MGAT4C: variants seen among roughly 807,000 people sequenced by gnomAD.
MGAT4C encodes the protein MGAT4 family member C.
In MGAT4C, 19 loss-of-function variants were observed where a neutral mutation model predicts 40.1. That is an observed-to-expected ratio of 0.47 (90% CI 0.33 to 0.70). The LOEUF (loss-of-function observed/expected upper bound fraction) is 0.70, where lower values mean the gene tolerates loss of function less well. MGAT4C is among the 30% of genes least tolerant of loss of function. The pLI is 0.02. For synonymous variants in MGAT4C, 181 were observed against 187.1 expected, an observed-to-expected ratio of 0.97 and a Z score of 0.27; for missense variants, 491 against 563.2, an observed-to-expected ratio of 0.87 and a Z score of 1.30.
intron 1 of MGAT4C, among the ~76,000 whole-genome samples, chr12:86,191,647 AC>A (rs1889474671): frequency 8.6e-6 from 1 of 116,656 alleles, no homozygotes; most frequent in East Asian, 2.4e-4. Context: ...ACACACACAC[AC>A]ACACACACAC....
chr12:86,217,458 T>G (rs2135977539), intron 1 of MGAT4C, among the ~76,000 whole-genome samples: 1 of 152,254 alleles, frequency 6.6e-6, no homozygotes, highest in South Asian at 2.1e-4. Flanking sequence ...CTACAGTTTC[T>G]TATCACAAAG....
rs534611388 is a variant in MGAT4C, at chr12:86,786,671, G to A, written c.-262+51995C>T. On this transcript the variant is annotated intron_variant, in intron 1 of 7. Coordinates refer to the MGAT4C transcript ENST00000548651. Reference sequence around the variant, plus strand: ...TGGCTGAAAATATATCTTGGCCTGGGCTGGTGCCCTTTTGAAGACATCTCT... The same window carrying A: ...TGGCTGAAAATATATCTTGGCCTGGACTGGTGCCCTTTTGAAGACATCTCT... Among the ~76,000 whole-genome samples the A allele has an allele frequency of 3.2e-4, 49 of 152,050 alleles. 1 individual carries two copies. The highest frequency in any genetic ancestry group is 2.9e-3 in the Admixed American group (45 of 15,258).
chr12:86,505,774 C>A (rs1283957174), intron 2 of MGAT4C, among the ~76,000 whole-genome samples: 1 of 152,140 alleles, frequency 6.6e-6, no homozygotes, highest in Non-Finnish European at 1.5e-5. Flanking sequence ...CTCTAGCATA[C>A]TAAAATTTAC....
At chr12:86,271,908 C>A (rs1344703780) in intron 4 of MGAT4C, among the ~76,000 whole-genome samples, 2 of 152,014 alleles carry the variant, frequency 1.3e-5, no homozygotes, top group African/African-American at 2.4e-5. Flanking sequence ...CACAAATTGG[C>A]AAATATCACA....
chr12:86,775,395 G>T (rs1241551960), intron 1 of MGAT4C, among the ~76,000 whole-genome samples: 1 of 150,476 alleles, frequency 6.6e-6, no homozygotes, highest in Non-Finnish European at 1.5e-5. Context: ...TATGATGTAT[G>T]ATCTAATATA....
intron 1 of MGAT4C, among the ~76,000 whole-genome samples, chr12:86,051,598 A>C (rs918699212): frequency 4.0e-5 from 6 of 151,762 alleles, no homozygotes; most frequent in African/African-American, 1.2e-4. Flanking sequence ...ATTTTTGTAA[A>C]TATTTTGTTA....
At chr12:86,032,108 A>T (rs573280736) in intron 2 of MGAT4C, among the ~76,000 whole-genome samples, 1 of 152,026 alleles carries the variant, frequency 6.6e-6, no homozygotes, top group African/African-American at 2.4e-5. Context: ...GTTGTTCCTT[A>T]TGGCTGTGTA....
chr12:86,184,725 C>A lies in MGAT4C; in HGVS notation c.-57+71514G>T, dbSNP rs1168319090. Among the ~76,000 whole-genome samples the A allele has an allele frequency of 3.9e-5, 3 of 76,854 alleles. No homozygotes were observed. The East Asian group carries it at 1.1e-3, about 27-fold the overall frequency. The allele number at this position is 76,854 out of a possible 152,430, so 50.4% of individuals were successfully genotyped here. ...TTCCTACACTGTTCCTGCCTTATTTCTTTTTCTCCTGTTAAAAAAAAAAAA... is the reference window on the plus strand; with the variant it reads ...TTCCTACACTGTTCCTGCCTTATTTATTTTTCTCCTGTTAAAAAAAAAAAA... On this transcript the variant is annotated intron_variant, in intron 1 of 4. Coordinates refer to ENST00000611864, the MANE Select transcript of MGAT4C (RefSeq NM_001351288.2).
At chr12:86,396,643 G>A (rs889796530) in intron 3 of MGAT4C, among the ~76,000 whole-genome samples, 1 of 152,172 alleles carries the variant, frequency 6.6e-6, no homozygotes, top group Non-Finnish European at 1.5e-5. Context: ...GAGATAGGAT[G>A]CAGAAAAGCA....
chr12:86,783,776 C>T (rs1463163971), intron 1 of MGAT4C, among the ~76,000 whole-genome samples: 2 of 151,994 alleles, frequency 1.3e-5, no homozygotes, highest in Non-Finnish European at 2.9e-5. Flanking sequence ...GGTACACTTA[C>T]AATCTCAAAC....
intron 2 of MGAT4C, among the ~76,000 whole-genome samples, chr12:86,047,859 A>C (rs1892544181): frequency 6.6e-6 from 1 of 152,126 alleles, no homozygotes; most frequent in African/African-American, 2.4e-5. Flanking sequence ...CAGGAGCAAA[A>C]AATTTAAGAG....
At chr12:86,258,211 T>TTTTG (rs1555260169), upstream of MGAT4C, among the ~76,000 whole-genome samples, 121 of 152,096 alleles carry the variant, frequency 8.0e-4, 1 homozygote, top group Admixed American at 7.8e-3. Flanking sequence ...TCAATTTTTT[T>TTTTG]TTTGTTTGTT....
intron 2 of MGAT4C, among the ~76,000 whole-genome samples, chr12:86,485,041 C>T (rs1354823022): frequency 6.6e-6 from 1 of 152,118 alleles, no homozygotes; most frequent in Non-Finnish European, 1.5e-5. Context: ...GGCAAGAATC[C>T]AGCCACAAAT....
intron 1 of MGAT4C, among the ~76,000 whole-genome samples, chr12:86,780,905 C>T (rs1015389123): frequency 6.6e-6 from 1 of 152,042 alleles, no homozygotes; most frequent in Non-Finnish European, 1.5e-5. Flanking sequence ...TGAGAATATG[C>T]GCTATTTGAC....
intron 3 of MGAT4C, among the ~76,000 whole-genome samples, chr12:86,400,918 G>A (rs1956344695): frequency 6.6e-6 from 1 of 152,100 alleles, no homozygotes; most frequent in African/African-American, 2.4e-5. Flanking sequence ...GGTTAAGTGA[G>A]TATCTAGCAT....
At chr12:86,621,599 C>T (rs1962640162) in intron 2 of MGAT4C, among the ~76,000 whole-genome samples, 1 of 152,118 alleles carries the variant, frequency 6.6e-6, no homozygotes, top group Admixed American at 6.6e-5. Flanking sequence ...CCACTTCAGC[C>T]TCCTGAGTAG....
chr12:85,989,120 C>T (rs1885587237), intron 3 of MGAT4C, among the ~76,000 whole-genome samples: 1 of 151,966 alleles, frequency 6.6e-6, no homozygotes. Flanking sequence ...AATGGCTCCA[C>T]ATATTTATTC....
chr12:86,766,733 T>G (rs1284267728), intron 1 of MGAT4C, among the ~76,000 whole-genome samples: 1 of 151,948 alleles, frequency 6.6e-6, no homozygotes, highest in African/African-American at 2.4e-5. Context: ...ACCGCTCAAC[T>G]ACATGGAAAC....
At chr12:86,181,064 C>A (rs1888064709) in intron 1 of MGAT4C, among the ~76,000 whole-genome samples, 1 of 152,060 alleles carries the variant, frequency 6.6e-6, no homozygotes, top group Non-Finnish European at 1.5e-5. Context: ...CAGTTTTTCC[C>A]ATGCTATTCT....
Sources: allele counts gnomAD v4.1 joint callset (sites outside exome capture counted in the v4.1 genomes callset), GRCh38; gene constraint gnomAD v4.1.1; transcripts MANE v1.5; gene names NCBI Gene and HGNC (gene_info 2026-07-23, HGNC 2026-07-21).